TAFA1: variants seen among roughly 807,000 people sequenced by gnomAD.
TAFA1 encodes the protein TAFA chemokine like family member 1.
TAFA1 carries 4 observed loss-of-function variants against 18.5 expected under a neutral mutation model. The ratio of observed to expected loss-of-function variants is 0.22; its 90% CI spans 0.11 to 0.49. The LOEUF (loss-of-function observed/expected upper bound fraction) is 0.49. Among genes scored for constraint, TAFA1 ranks in the 20% least tolerant of loss-of-function variants. TAFA1 has a pLI of 0.98. For synonymous variants in TAFA1, 56 were observed against 55.2 expected (o/e 1.01, Z -0.06); for missense variants, 147 against 169.0 (o/e 0.87, Z 0.72).
At chr3:68,036,364 G>A (rs990214136) in intron 2 of TAFA1, among the ~76,000 whole-genome samples, 4 of 150,256 alleles carry the variant, frequency 2.7e-5, no homozygotes, top group African/African-American at 9.8e-5. Context: ...ACTTGAACCC[G>A]GGAGGTGGAG....
intron 2 of TAFA1, among the ~76,000 whole-genome samples, chr3:68,087,522 TCCTC>T (rs1284492796): frequency 1.5e-3 from 211 of 142,438 alleles, no homozygotes; most frequent in African/African-American, 4.6e-3. Context: ...CTCCCTTCCT[TCCTC>T]CCTCCCTCCC....
rs538776538 is a variant in TAFA1 at position 68,305,235 on chromosome 3, T to C, written c.119-112045T>C. 6.8e-4 allele frequency among the ~76,000 whole-genome samples: 103 copies of C among 151,076 alleles called. 1 individual carries two copies. Among genetic ancestry groups the C allele is most frequent in the Middle Eastern group, 6.8e-3 (2 of 294 alleles). ...TGGTGTTTTTCCCATATGTTTTTTTTCCCCCGATGTTTTCTTGTTACATAG... is the reference window on the plus strand; with the variant it reads ...TGGTGTTTTTCCCATATGTTTTTTTCCCCCCGATGTTTTCTTGTTACATAG... On this transcript the variant is annotated intron_variant, in intron 2 of 4. Coordinates refer to ENST00000478136, the MANE Select transcript of TAFA1 (RefSeq NM_213609.4).
chr3:68,422,096 A>C (rs1464849659), intron 3 of TAFA1, among the ~76,000 whole-genome samples: 1 of 152,140 alleles, frequency 6.6e-6, no homozygotes, highest in East Asian at 1.9e-4. Flanking sequence ...CCCACTACTA[A>C]AAAGCAAACT....
chr3:68,179,821 T>C lies in TAFA1; in HGVS notation c.118+173077T>C, dbSNP rs1001110461. On this transcript the variant is annotated intron_variant, in intron 2 of 4. Coordinates refer to ENST00000478136, the MANE Select transcript of TAFA1 (RefSeq NM_213609.4). Reference sequence around the variant, plus strand: ...GTCAAATAAGGTGACTTTGCTTGAATGCATGCTCCTGAAATTTGGGAGGAC... The same window carrying C: ...GTCAAATAAGGTGACTTTGCTTGAACGCATGCTCCTGAAATTTGGGAGGAC... 5.3e-5 allele frequency among the ~76,000 whole-genome samples: 8 copies of C among 152,156 alleles called. No homozygotes were observed. In the East Asian group the frequency reaches 1.5e-3, roughly 29 times the overall value.
chr3:68,016,629 C>G (rs983185541), intron 2 of TAFA1, among the ~76,000 whole-genome samples: 68 of 152,130 alleles, frequency 4.5e-4, no homozygotes, highest in African/African-American at 1.6e-3. Context: ...TGTAAGTACA[C>G]TCTGATGTTC....
intron 3 of TAFA1, among the ~76,000 whole-genome samples, chr3:68,510,679 T>C (rs1309447160): frequency 6.6e-6 from 1 of 152,084 alleles, no homozygotes; most frequent in African/African-American, 2.4e-5. Flanking sequence ...CTCAAAAAAG[T>C]TGAGTGAGTC....
intron 3 of TAFA1, among the ~76,000 whole-genome samples, chr3:68,434,531 T>C (rs1054205593): frequency 6.6e-6 from 1 of 152,242 alleles, no homozygotes; most frequent in Non-Finnish European, 1.5e-5. Flanking sequence ...TGAATTTTTT[T>C]CTTCCATTTT....
At chr3:68,237,256 C>A (rs2066938581) in intron 2 of TAFA1, among the ~76,000 whole-genome samples, 1 of 152,126 alleles carries the variant, frequency 6.6e-6, no homozygotes. Flanking sequence ...GTGGAAGGAA[C>A]AAGGCAACTC....
At chr3:68,036,292 A>G (rs1348574916) in intron 2 of TAFA1, among the ~76,000 whole-genome samples, 3 of 152,086 alleles carry the variant, frequency 2.0e-5, no homozygotes, top group Non-Finnish European at 4.4e-5. Flanking sequence ...TACAAAAATT[A>G]GCCATGCATG....
At chr3:68,431,381 C>A (rs2071167534) in intron 3 of TAFA1, among the ~76,000 whole-genome samples, 1 of 152,002 alleles carries the variant, frequency 6.6e-6, no homozygotes, top group Non-Finnish European at 1.5e-5. Context: ...ACTACAGGGA[C>A]TGAGCGTTGT....
At chr3:68,470,583 A>G (rs193023871) in intron 3 of TAFA1, among the ~76,000 whole-genome samples, 150 of 152,324 alleles carry the variant, frequency 9.8e-4, no homozygotes, top group African/African-American at 3.5e-3. Context: ...GGCTCTTGCT[A>G]TGTTTTAGCA....
At chr3:68,094,939 G>T (rs1261520482) in intron 2 of TAFA1, among the ~76,000 whole-genome samples, 1 of 152,278 alleles carries the variant, frequency 6.6e-6, no homozygotes, top group Admixed American at 6.5e-5. Context: ...ATTTTTCTCT[G>T]ATTAACAAGG....
chr3:68,232,447 G>A (rs1270622320), intron 2 of TAFA1, among the ~76,000 whole-genome samples: 1 of 151,956 alleles, frequency 6.6e-6, no homozygotes, highest in Admixed American at 6.6e-5. Context: ...TTGTTTATCC[G>A]TTCATCTATT....
In TAFA1 at chr3:68,370,301, AAAAAAAAAAAAAAAAAAAAAAT is replaced by A. The variant is rs2069657619; in HGVS notation, c.119-46977_119-46956del. Among the ~76,000 whole-genome samples the A allele has an allele frequency of 5.6e-5, 3 of 53,284 alleles. 1 individual carries two copies. The South Asian group carries it at 2.3e-3, about 42-fold the overall frequency. The allele number at this position is 53,284 out of a possible 152,430, so 35.0% of individuals were successfully genotyped here. On this transcript the variant is annotated intron_variant, in intron 2 of 4. Coordinates refer to ENST00000478136, the MANE Select transcript of TAFA1 (RefSeq NM_213609.4). ...GACCCCATCTCAAAAAAAAAAAAAAAAAAAAAAAAAAAAAAAAAAAATATATATATATATATATATATATATA... is the reference window on the plus strand; with the variant it reads ...GACCCCATCTCAAAAAAAAAAAAAAAATATATATATATATATATATATATA...
chr3:68,417,192 T>G (rs1355419643), intron 2 of TAFA1, 88 bp from the exon 3 acceptor site: 2 of 1,064,064 alleles, frequency 1.9e-6, no homozygotes, highest in Non-Finnish European at 2.8e-6. Context: ...TCAATTACTT[T>G]CCTCAACCCC....
chr3:68,498,722 C>CTTTTGTTTTTTTT (rs2072598793), intron 3 of TAFA1, among the ~76,000 whole-genome samples: 2 of 97,028 alleles, frequency 2.1e-5, no homozygotes, highest in East Asian at 3.0e-4. Flanking sequence ...CGTTTGGTGG[C>CTTTTGTTTTTTTT]TTTTTTTTTT....
intron 2 of TAFA1, among the ~76,000 whole-genome samples, chr3:68,095,810 A>G (rs1455080676): frequency 6.6e-6 from 1 of 152,100 alleles, no homozygotes; most frequent in Non-Finnish European, 1.5e-5. Context: ...GTTTAACTTT[A>G]CTTGTTTATT....
At chr3:68,173,244 A>C (rs1035402135) in intron 2 of TAFA1, among the ~76,000 whole-genome samples, 6 of 152,214 alleles carry the variant, frequency 3.9e-5, no homozygotes. Context: ...GGTTTACTTG[A>C]AATATGTACA....
intron 2 of TAFA1, among the ~76,000 whole-genome samples, chr3:68,012,901 A>T (rs1328507411): frequency 6.6e-6 from 1 of 152,196 alleles, no homozygotes; most frequent in East Asian, 1.9e-4. Flanking sequence ...CTCCTTGGAC[A>T]AAAGTGTCCA....
Sources: allele counts gnomAD v4.1 joint callset (sites outside exome capture counted in the v4.1 genomes callset), GRCh38; gene constraint gnomAD v4.1.1; transcripts MANE v1.5; gene names NCBI Gene and HGNC (gene_info 2026-07-23, HGNC 2026-07-21).